The following CAMK4 variants were observed in gnomAD, a reference collection of about 807,000 sequenced individuals.
The protein encoded by CAMK4 is calcium/calmodulin dependent protein kinase IV.
Under a neutral mutation model 44.9 loss-of-function variants are expected in CAMK4, and 22 were observed. The ratio of observed to expected loss-of-function variants is 0.49; its 90% CI spans 0.35 to 0.70. The LOEUF is 0.70. CAMK4 is among the 30% of genes least tolerant of loss of function. CAMK4 has a pLI of 0.01. For synonymous variants in CAMK4, 218 were observed against 215.4 expected (o/e 1.01, Z -0.11); for missense variants, 498 against 586.8 (o/e 0.85, Z 1.56).
In CAMK4 at chr5:111,491,721, A is replaced by T. The variant is rs1211867628; in HGVS notation, c.*7255A>T. 6.6e-6 allele frequency: 1 copy of T among 152,234 alleles called. No individual in the cohort carries two copies. Among genetic ancestry groups the T allele is most frequent in the Non-Finnish European group, 1.5e-5 (1 of 68,038 alleles). 9.4% of individuals were successfully genotyped at this position (152,234 alleles called of 1,614,324 possible). On this transcript the variant is annotated 3_prime_UTR_variant, in exon 11 of 11. Coordinates refer to ENST00000282356, the MANE Select transcript of CAMK4 (RefSeq NM_001744.6). ...TTACATTTAAAATTATGTAAATGACATCTTTCACTGGCATTTGCTCACATT... is the reference window on the plus strand; with the variant it reads ...TTACATTTAAAATTATGTAAATGACTTCTTTCACTGGCATTTGCTCACATT...
intron 7 of CAMK4, among the ~76,000 whole-genome samples, chr5:111,464,471 C>T (rs1041764590): frequency 2.0e-5 from 3 of 152,060 alleles, no homozygotes; most frequent in Admixed American, 1.3e-4. Context: ...CATACAAGTA[C>T]AGGAAGCTCA....
intron 4 of CAMK4, among the ~76,000 whole-genome samples, chr5:111,390,580 G>A (rs1316347738): frequency 6.6e-6 from 1 of 152,130 alleles, no homozygotes; most frequent in East Asian, 1.9e-4. Context: ...AAACATTGTT[G>A]AAACTGTCCT....
intron 1 of CAMK4, among the ~76,000 whole-genome samples, chr5:111,240,812 A>G (rs1748955640): frequency 6.6e-6 from 1 of 152,184 alleles, no homozygotes; most frequent in Non-Finnish European, 1.5e-5. Flanking sequence ...CTATAGGGCA[A>G]TGCTAAGAGT....
At chr5:111,244,669 T>C (rs1273442400) in intron 1 of CAMK4, among the ~76,000 whole-genome samples, 1 of 152,168 alleles carries the variant, frequency 6.6e-6, no homozygotes, top group Non-Finnish European at 1.5e-5. Flanking sequence ...AAGACTATCT[T>C]GGCCAACATG....
chr5:111,364,807 C>T (rs1171870615), intron 2 of CAMK4: 1 of 152,052 alleles, frequency 6.6e-6, no homozygotes, highest in African/African-American at 2.4e-5. Flanking sequence ...TTACAATGCT[C>T]AAAGACAAGC....
intron 5 of CAMK4, among the ~76,000 whole-genome samples, chr5:111,444,868 C>G (rs1753971720): frequency 6.6e-6 from 1 of 152,208 alleles, no homozygotes; most frequent in African/African-American, 2.4e-5. Flanking sequence ...AGAAGCTCAA[C>G]TATGCTAGTG....
chr5:111,228,672 G>T (rs1748319949), intron 1 of CAMK4, among the ~76,000 whole-genome samples: 1 of 152,138 alleles, frequency 6.6e-6, no homozygotes, highest in Non-Finnish European at 1.5e-5. Flanking sequence ...GAACCCATGT[G>T]ATTTCACATC....
At position 111,484,524 on chromosome 5, in the gene CAMK4, G is replaced by A; in HGVS notation, c.*58G>A. 8.1e-7 allele frequency: 1 copy of A among 1,238,768 alleles called. No homozygotes were observed. The highest frequency in any genetic ancestry group is 1.1e-6 in the Non-Finnish European group (1 of 903,300). 76.7% of individuals were successfully genotyped at this position (1,238,768 alleles called of 1,614,324 possible). ...GGCATTTTATGTACTTTGTCCTTCA[G>A]CAAGAAAGGTGTGGAAGCATGATAT... is the stretch of plus-strand genomic sequence containing the variant. On this transcript the variant is annotated 3_prime_UTR_variant, in exon 11 of 11. Transcript: ENST00000282356. The surrounding 1 kb of genome is among the most constrained non-coding windows in gnomAD (Gnocchi z 5.3).
chr5:111,439,115 C>T (rs1320277150), intron 5 of CAMK4, among the ~76,000 whole-genome samples: 6 of 152,118 alleles, frequency 3.9e-5, no homozygotes, highest in Non-Finnish European at 7.3e-5. Context: ...GTATCTTCCT[C>T]GCCCCTCGAG....
chr5:111,283,433 C>G (rs1274258936), intron 1 of CAMK4, among the ~76,000 whole-genome samples: 2 of 152,080 alleles, frequency 1.3e-5, no homozygotes, highest in Admixed American at 1.3e-4. Context: ...TGTGTTTTTC[C>G]AAACAGTACC....
rs968978644 is a variant in CAMK4, at chr5:111,420,400, C to G, written c.459+25618C>G. 2.6e-5 allele frequency among the ~76,000 whole-genome samples: 4 copies of G among 152,068 alleles called. 1 individual carries two copies. The highest frequency in any genetic ancestry group is 4.8e-5 in the African/African-American group (2 of 41,400). ...TCATCTGCAAACAGGGACAATTTGA[C>G]TTCCTCTTTTCCTAATTGAATACCC... On this transcript the variant is annotated intron_variant, in intron 5 of 10. Coordinates refer to ENST00000282356, the MANE Select transcript of CAMK4 (RefSeq NM_001744.6).
intron 1 of CAMK4, among the ~76,000 whole-genome samples, chr5:111,288,108 A>C (rs1751311258): frequency 6.6e-6 from 1 of 152,152 alleles, no homozygotes; most frequent in Non-Finnish European, 1.5e-5. Flanking sequence ...GGTCTAATTA[A>C]GTTTTTAAGA....
intron 1 of CAMK4, among the ~76,000 whole-genome samples, chr5:111,320,950 T>G (rs1372063534): frequency 6.6e-6 from 1 of 152,234 alleles, no homozygotes; most frequent in East Asian, 1.9e-4. Context: ...GATCATAGCA[T>G]AATGACATTT....
intron 2 of CAMK4, among the ~76,000 whole-genome samples, chr5:111,349,516 T>C (rs1270526983): frequency 6.6e-6 from 1 of 151,982 alleles, no homozygotes; most frequent in African/African-American, 2.4e-5. Context: ...CTTAAAACTA[T>C]ATCAAAGGAA....
intron 2 of CAMK4, among the ~76,000 whole-genome samples, chr5:111,357,108 A>C (rs1750395808): frequency 6.6e-6 from 1 of 152,140 alleles, no homozygotes; most frequent in African/African-American, 2.4e-5. Context: ...TTGGAACTAA[A>C]GTGATTTTCA....
At chr5:111,464,583 A>G (rs1754757796) in intron 7 of CAMK4, among the ~76,000 whole-genome samples, 1 of 152,190 alleles carries the variant, frequency 6.6e-6, no homozygotes, top group Non-Finnish European at 1.5e-5. Context: ...AGAGCCATGT[A>G]TTCTATGGAA....
intron 8 of CAMK4, among the ~76,000 whole-genome samples, chr5:111,474,594 G>T (rs374541394): frequency 6.6e-6 from 1 of 152,032 alleles, no homozygotes; most frequent in Non-Finnish European, 1.5e-5. Context: ...GGGGTTGGAG[G>T]GGGGAATACA....
At chr5:111,361,450 T>C (rs1290663980) in intron 2 of CAMK4, among the ~76,000 whole-genome samples, 1 of 152,020 alleles carries the variant, frequency 6.6e-6, no homozygotes, top group Non-Finnish European at 1.5e-5. Context: ...TATATTTCAT[T>C]ATTTTCATGG....
chr5:111,444,854 A>T (rs1753971184), intron 5 of CAMK4, among the ~76,000 whole-genome samples: 1 of 152,234 alleles, frequency 6.6e-6, no homozygotes, highest in Non-Finnish European at 1.5e-5. Flanking sequence ...AAACTGATTG[A>T]CCGAGAAGCT....
Sources: allele counts gnomAD v4.1 joint callset (sites outside exome capture counted in the v4.1 genomes callset), GRCh38; gene constraint gnomAD v4.1.1; non-coding constraint Gnocchi (gnomAD v3.1); transcripts MANE v1.5; gene names NCBI Gene and HGNC (gene_info 2026-07-23, HGNC 2026-07-21).